IMMT: variants seen among roughly 807,000 people sequenced by gnomAD.
IMMT encodes the protein inner membrane mitochondrial protein.
IMMT carries 40 observed loss-of-function variants against 92.7 expected under a neutral mutation model. The observed-to-expected ratio is 0.43, with a 90% CI of 0.34 to 0.56. The LOEUF is 0.56. IMMT is among the 20% of genes least tolerant of loss of function. The probability of loss-of-function intolerance (pLI) is 0.03; values close to 1 mark genes in which losing one functional copy is unlikely to be tolerated. For synonymous variants in IMMT, 322 were observed against 336.1 expected (o/e 0.96, Z 0.46); for missense variants, 831 against 912.1 (o/e 0.91, Z 1.14).
At chr2:86,151,632 T>G in intron 11 of IMMT, 112 bp from the exon 12 acceptor site, 1 of 755,700 alleles carries the variant, frequency 1.3e-6, no homozygotes, top group South Asian at 1.7e-5. Flanking sequence ...AAAGTAAAAC[T>G]TAGCTAACAT....
At position 86,159,783 on chromosome 2, in the gene IMMT, A is replaced by G. The variant is rs2104894898; in HGVS notation, c.897-112T>C. 3 of 889,442 alleles carry G rather than the reference A, an allele frequency of 3.4e-6. No individual in the cohort carries two copies. The Middle Eastern group carries it at 8.7e-4, about 257-fold the overall frequency. The allele number at this position is 889,442 out of a possible 1,614,324, so 55.1% of individuals were successfully genotyped here. A position where few individuals can be genotyped will look rare whatever the true frequency, so the allele number is the denominator to read the frequency against. ...AAAGTCTATGAAACAGGCTGGGAGCAGTGGCTGATACCTGTAATCCCAGCA... is the reference window on the plus strand; with the variant it reads ...AAAGTCTATGAAACAGGCTGGGAGCGGTGGCTGATACCTGTAATCCCAGCA... On this transcript the variant is annotated intron_variant, in intron 8 of 14. Coordinates refer to ENST00000410111, the MANE Select transcript of IMMT (RefSeq NM_006839.3).
intron 8 of IMMT, 106 bp from the exon 9 acceptor site, chr2:86,159,777 G>A (rs1211213157): frequency 3.1e-6 from 3 of 971,488 alleles, no homozygotes; most frequent in African/African-American, 3.4e-5. Flanking sequence ...GAAACAGGCT[G>A]GGAGCAGTGG....
chr2:86,183,335 G>C (rs921411693), intron 1 of IMMT, among the ~76,000 whole-genome samples: 1 of 152,100 alleles, frequency 6.6e-6, no homozygotes, highest in African/African-American at 2.4e-5. Context: ...TAGAGACCAG[G>C]TCTTGCTATG....
intron 12 of IMMT, among the ~76,000 whole-genome samples, chr2:86,148,504 C>T (rs572238492): frequency 1.1e-4 from 16 of 151,766 alleles, no homozygotes; most frequent in South Asian, 2.1e-4. Context: ...CCCAGCTACT[C>T]GGGAGGCTGA....
chr2:86,147,912 CCAT>C, intron 12 of IMMT, 79 bp from the exon 13 acceptor site: 2 of 1,410,048 alleles, frequency 1.4e-6, no homozygotes, highest in South Asian at 2.5e-5. Context: ...CCACTATCAA[CCAT>C]GACAACAGCA....
Position 86,170,332 on chromosome 2 carries a change from T to C in IMMT, c.655+417A>G, listed in dbSNP as rs1045894171. 5.9e-5 allele frequency among the ~76,000 whole-genome samples: 9 copies of C among 152,150 alleles called. No individual in the cohort carries two copies. The East Asian group carries it at 1.7e-3, about 29-fold the overall frequency. On this transcript the variant is annotated intron_variant, in intron 6 of 14. Coordinates refer to ENST00000410111, the MANE Select transcript of IMMT (RefSeq NM_006839.3). ...TACAGAGGAGGCTGAGGTGGGAGGATGGCTTTGGCCTGGGAGGTTGAGGCT... is the reference window on the plus strand; with the variant it reads ...TACAGAGGAGGCTGAGGTGGGAGGACGGCTTTGGCCTGGGAGGTTGAGGCT...
At chr2:86,193,630 G>A (rs552969010) in intron 1 of IMMT, among the ~76,000 whole-genome samples, 2 of 152,202 alleles carry the variant, frequency 1.3e-5, no homozygotes, top group East Asian at 1.9e-4. Flanking sequence ...AGCAGACTCA[G>A]TAAAGGAAAA....
At chr2:86,144,931 C>CA (rs1276628963) in intron 14 of IMMT, 50 bp from the exon 15 acceptor site, 2 of 1,536,302 alleles carry the variant, frequency 1.3e-6, no homozygotes, top group South Asian at 2.6e-5. Flanking sequence ...CATCTGACAA[C>CA]ATACATCCAC....
intron 13 of IMMT, among the ~76,000 whole-genome samples, chr2:86,146,497 A>G (rs938691811): frequency 6.6e-6 from 1 of 151,694 alleles, no homozygotes; most frequent in Non-Finnish European, 1.5e-5. Flanking sequence ...CAGCCTCCCA[A>G]GTAGCTGGGA....
At chr2:86,160,262 G>C (rs1251011912) in intron 8 of IMMT, among the ~76,000 whole-genome samples, 1 of 152,194 alleles carries the variant, frequency 6.6e-6, no homozygotes, top group Non-Finnish European at 1.5e-5. Context: ...TTCGTGTAAG[G>C]AACAGAAGTA....
intron 6 of IMMT, among the ~76,000 whole-genome samples, chr2:86,168,003 T>C (rs1676836694): frequency 6.6e-6 from 1 of 152,080 alleles, no homozygotes. Context: ...TTTCATCCCC[T>C]TGGCAAGAAG....
intron 6 of IMMT, among the ~76,000 whole-genome samples, chr2:86,168,598 A>C (rs1676880653): frequency 1.3e-5 from 2 of 152,152 alleles, no homozygotes. Context: ...ACTCCAGCCT[A>C]GGTGACAGAG....
intron 7 of IMMT, among the ~76,000 whole-genome samples, chr2:86,162,719 C>T (rs919760138): frequency 1.3e-5 from 2 of 152,114 alleles, no homozygotes; most frequent in Admixed American, 6.6e-5. Flanking sequence ...TGGCGGGTGC[C>T]TGTAATCCCA....
In IMMT at chr2:86,173,771, A is replaced by G; in HGVS notation, c.310-10T>C. On this transcript the variant is annotated splice_polypyrimidine_tract_variant and intron_variant, in intron 3 of 14. Transcript: ENST00000410111. ...GTGGACCCGACTGAATCTTGGAAAT[A>G]AAAAACATTTAACATTTCAGATATA... 1 of 1,431,774 alleles carries G rather than the reference A, an allele frequency of 7.0e-7. No homozygotes were observed. Among genetic ancestry groups the G allele is most frequent in the Non-Finnish European group, 9.8e-7 (1 of 1,024,028 alleles). 88.7% of individuals were successfully genotyped at this position (1,431,774 alleles called of 1,614,324 possible). A position where few individuals can be genotyped will look rare whatever the true frequency, so the allele number is the denominator to read the frequency against.
chr2:86,174,172 A>G (rs1345791829), intron 3 of IMMT, among the ~76,000 whole-genome samples: 1 of 152,208 alleles, frequency 6.6e-6, no homozygotes, highest in Non-Finnish European at 1.5e-5. Flanking sequence ...GTGAAAATAC[A>G]AATGAATTTT....
intron 1 of IMMT, among the ~76,000 whole-genome samples, chr2:86,185,630 T>A (rs1672722011): frequency 6.6e-6 from 1 of 152,194 alleles, no homozygotes; most frequent in South Asian, 2.1e-4. Context: ...CTTGATAAGA[T>A]GTGTATCATG....
chr2:86,176,578 C>T (rs952843611), intron 3 of IMMT, among the ~76,000 whole-genome samples: 2 of 152,114 alleles, frequency 1.3e-5, no homozygotes, highest in African/African-American at 2.4e-5. Flanking sequence ...GAAGAATCTA[C>T]GAATTCTGGC....
At chr2:86,191,822 G>C (rs938967872) in intron 1 of IMMT, among the ~76,000 whole-genome samples, 1 of 151,836 alleles carries the variant, frequency 6.6e-6, no homozygotes, top group Non-Finnish European at 1.5e-5. Context: ...GGCTGAGGCA[G>C]GAGAATGGCA....
At chr2:86,167,096 A>C (rs1322134416) in intron 6 of IMMT, among the ~76,000 whole-genome samples, 5 of 138,366 alleles carry the variant, frequency 3.6e-5, no homozygotes, top group South Asian at 2.4e-4. Flanking sequence ...AGACTCTCTC[A>C]AAAAAAAAAA....
Sources: allele counts gnomAD v4.1 joint callset (sites outside exome capture counted in the v4.1 genomes callset), GRCh38; gene constraint gnomAD v4.1.1; transcripts MANE v1.5; gene names NCBI Gene and HGNC (gene_info 2026-07-23, HGNC 2026-07-21).